HDAC9: variants seen among roughly 807,000 people sequenced by gnomAD.
HDAC9 encodes the protein histone deacetylase 9, also known as MEF-2 interacting transcription repressor (MITR) protein.
HDAC9 carries 41 observed loss-of-function variants against 139.4 expected under a neutral mutation model. That is an observed-to-expected ratio of 0.29 (90% CI 0.23 to 0.38). HDAC9 has a LOEUF of 0.38. Ranked by LOEUF, HDAC9 falls within the 10% of genes least tolerant of loss-of-function variation. The pLI is 1.00. For missense variants in HDAC9, 1,147 were observed against 1,297.0 expected, an observed-to-expected ratio of 0.88 and a Z score of 1.78; for synonymous variants, 517 against 476.2, an observed-to-expected ratio of 1.09 and a Z score of -1.12.
intron 16 of HDAC9, among the ~76,000 whole-genome samples, chr7:18,773,531 A>G (rs1225387853): frequency 6.6e-6 from 1 of 152,048 alleles, no homozygotes; most frequent in African/African-American, 2.4e-5. Context: ...AATGGATTTG[A>G]TGAAATTTAA....
chr7:18,774,248 A>T (rs1790566822), intron 16 of HDAC9, among the ~76,000 whole-genome samples: 1 of 152,082 alleles, frequency 6.6e-6, no homozygotes, highest in Non-Finnish European at 1.5e-5. Context: ...TTGAGTCATT[A>T]TTTCTATGAA....
chr7:18,455,080 T>C (rs1341010068), intron 1 of HDAC9, among the ~76,000 whole-genome samples: 1 of 152,094 alleles, frequency 6.6e-6, no homozygotes, highest in Non-Finnish European at 1.5e-5. Flanking sequence ...CTGAATATTT[T>C]TTTACTTTAT....
chr7:18,401,408 G>A (rs1787530607), intron 1 of HDAC9, among the ~76,000 whole-genome samples: 1 of 152,182 alleles, frequency 6.6e-6, no homozygotes, highest in South Asian at 2.1e-4. Flanking sequence ...CTATGCTGGT[G>A]GTTGGGGTGG....
At chr7:18,133,976 A>G (rs1023610231) in intron 1 of HDAC9, among the ~76,000 whole-genome samples, 1 of 145,486 alleles carries the variant, frequency 6.9e-6, no homozygotes, top group African/African-American at 2.6e-5. Flanking sequence ...CCTTTCATCC[A>G]TCTATTTTTT....
intron 1 of HDAC9, among the ~76,000 whole-genome samples, chr7:18,139,369 C>G (rs1362407848): frequency 1.3e-5 from 2 of 152,072 alleles, no homozygotes; most frequent in Non-Finnish European, 2.9e-5. Context: ...TCAAGCAGTC[C>G]TCCTGTCTTG....
intron 24 of HDAC9, among the ~76,000 whole-genome samples, chr7:18,966,789 TAGAA>T (rs962726464): frequency 6.6e-6 from 1 of 152,112 alleles, no homozygotes; most frequent in African/African-American, 2.4e-5. Flanking sequence ...GTTCAGGAAA[TAGAA>T]AGGACCAGCC....
intron 1 of HDAC9, among the ~76,000 whole-genome samples, chr7:18,403,563 A>C (rs144678865): frequency 2.0e-4 from 31 of 152,324 alleles, no homozygotes; most frequent in African/African-American, 6.3e-4. Context: ...TTCTCCATGT[A>C]TATTTGTGAG....
intron 1 of HDAC9, among the ~76,000 whole-genome samples, chr7:18,127,496 T>G (rs1391355969): frequency 1.3e-5 from 2 of 152,100 alleles, no homozygotes; most frequent in African/African-American, 4.8e-5. Context: ...ATTCTTTGCT[T>G]CTTTAGTTTG....
chr7:18,882,316 C>G (rs1391834652), intron 22 of HDAC9, among the ~76,000 whole-genome samples: 3 of 152,048 alleles, frequency 2.0e-5, no homozygotes, highest in Non-Finnish European at 4.4e-5. Flanking sequence ...AAAACTGCTT[C>G]TGACAATGGA....
At chr7:18,627,001 A>G (rs1447377898) in intron 6 of HDAC9, among the ~76,000 whole-genome samples, 5 of 152,204 alleles carry the variant, frequency 3.3e-5, no homozygotes, top group Non-Finnish European at 7.3e-5. Flanking sequence ...ACTAGCCTTC[A>G]GAAATAGTAC....
intron 1 of HDAC9, chr7:18,327,583 A>C (rs766595453): frequency 2.3e-4 from 35 of 151,900 alleles, no homozygotes; most frequent in African/African-American, 8.4e-4. Context: ...GCTAAAAAAA[A>C]CTGAGAAAAA....
At chr7:18,261,112 G>T (rs893207664) in intron 2 of HDAC9, among the ~76,000 whole-genome samples, 1 of 151,526 alleles carries the variant, frequency 6.6e-6, no homozygotes, top group African/African-American at 2.4e-5. Context: ...AGACCAGCCC[G>T]GGCAACATAA....
intron 22 of HDAC9, among the ~76,000 whole-genome samples, chr7:18,921,321 G>C: frequency 6.6e-6 from 1 of 152,054 alleles, no homozygotes; most frequent in East Asian, 1.9e-4. Flanking sequence ...GAAAATTTTT[G>C]CAACCTGCTT....
At chr7:18,933,918 T>C (rs1267255227) in intron 22 of HDAC9, among the ~76,000 whole-genome samples, 1 of 152,040 alleles carries the variant, frequency 6.6e-6, no homozygotes, top group Non-Finnish European at 1.5e-5. Flanking sequence ...AGATTAGAGA[T>C]GTCTGAAGAG....
intron 1 of HDAC9, among the ~76,000 whole-genome samples, chr7:18,403,628 A>G (rs1787744587): frequency 6.6e-6 from 1 of 152,232 alleles, no homozygotes; most frequent in South Asian, 2.1e-4. Flanking sequence ...TGCATAAACA[A>G]ATACGTAAAT....
At chr7:18,435,780 T>A (rs1167645573) in intron 1 of HDAC9, among the ~76,000 whole-genome samples, 1 of 151,652 alleles carries the variant, frequency 6.6e-6, no homozygotes, top group Non-Finnish European at 1.5e-5. Flanking sequence ...AAGATTAAAC[T>A]AGAATATATC....
At chr7:18,684,701 G>T (rs1782138299) in intron 12 of HDAC9, among the ~76,000 whole-genome samples, 1 of 151,736 alleles carries the variant, frequency 6.6e-6, no homozygotes, top group Non-Finnish European at 1.5e-5. Context: ...AACAGCTTGG[G>T]AACTTTATTT....
intron 2 of HDAC9, among the ~76,000 whole-genome samples, chr7:18,565,090 G>A (rs1821870841): frequency 6.6e-6 from 1 of 151,874 alleles, no homozygotes; most frequent in South Asian, 2.1e-4. Context: ...TCTGCCTCCC[G>A]GGTTCAAGGG....
intron 1 of HDAC9, among the ~76,000 whole-genome samples, chr7:18,382,059 A>G (rs906973179): frequency 1.3e-5 from 2 of 152,208 alleles, no homozygotes; most frequent in Admixed American, 6.5e-5. Context: ...AAAAAAATCC[A>G]GTTATTGTTT....
Sources: gnomAD v4.1 joint callset for allele counts (sites outside exome capture counted in the v4.1 genomes callset) on GRCh38, gnomAD v4.1.1 for gene constraint, MANE v1.5 for transcripts, NCBI Gene and HGNC (gene_info 2026-07-23, HGNC 2026-07-21) for gene names.